Variants in KIF2A observed in about 807,000 individuals in gnomAD.
KIF2A encodes kinesin-like protein KIF2A.
KIF2A carries 22 observed loss-of-function variants against 100.2 expected under a neutral mutation model. The observed-to-expected ratio is 0.22, with a 90% CI of 0.16 to 0.31. The LOEUF is 0.31. KIF2A is among the 10% of genes least tolerant of loss of function. The pLI is 1.00. For missense variants in KIF2A, 495 were observed against 898.7 expected (o/e 0.55, Z 5.74); for synonymous variants, 268 against 285.9 (o/e 0.94, Z 0.63).
At chr5:62,385,150 A>G (rs1385739825) in intron 20 of KIF2A, among the ~76,000 whole-genome samples, 2 of 152,216 alleles carry the variant, frequency 1.3e-5, no homozygotes, top group Non-Finnish European at 2.9e-5. Flanking sequence ...CTCAAAAAAA[A>G]AAAGGTAGAC....
intron 4 of KIF2A, among the ~76,000 whole-genome samples, chr5:62,352,077 TGG>T (rs1341203876): frequency 6.7e-6 from 1 of 148,174 alleles, no homozygotes; most frequent in Non-Finnish European, 1.5e-5. Context: ...CACTTGAACC[TGG>T]GAGGCGGAGG....
rs145362673 is a variant in KIF2A at position 62,361,140 on chromosome 5, A to G, written c.873-102A>G. 9.7e-6 allele frequency: 5 copies of G among 516,556 alleles called. No individual in the cohort carries two copies. In the East Asian group the frequency reaches 1.6e-4, roughly 17 times the overall value. The allele number at this position is 516,556 out of a possible 1,614,324, so 32.0% of individuals were successfully genotyped here. A position where few individuals can be genotyped will look rare whatever the true frequency, so the allele number is the denominator to read the frequency against. Reference sequence around the variant, plus strand: ...ACAAAGATTTGTTTAGAATCTTGCTATTAAGTTTTATTTATTAATAAAATA... The same window carrying G: ...ACAAAGATTTGTTTAGAATCTTGCTGTTAAGTTTTATTTATTAATAAAATA... On this transcript the variant is annotated intron_variant, in intron 9 of 20. Transcript: ENST00000407818.
intron 1 of KIF2A, among the ~76,000 whole-genome samples, chr5:62,324,977 T>C (rs1746291027): frequency 6.6e-6 from 1 of 152,190 alleles, no homozygotes; most frequent in Non-Finnish European, 1.5e-5. Flanking sequence ...TTCCAGAATC[T>C]ATAAGAAACA....
At chr5:62,313,049 A>G (rs1427320206) in intron 1 of KIF2A, among the ~76,000 whole-genome samples, 5 of 152,066 alleles carry the variant, frequency 3.3e-5, no homozygotes, top group East Asian at 1.9e-4. Flanking sequence ...ATATACTTCT[A>G]TTAACAGCCT....
At position 62,385,566 on chromosome 5, in the gene KIF2A, T is replaced by G. The variant is rs745329054; in HGVS notation, c.2232T>G (p.Leu744=). Residue 744 remains leucine, a synonymous_variant, in exon 21 of 21, where the codon CTT becomes CTG. Coordinates refer to ENST00000407818, the MANE Select transcript of KIF2A (RefSeq NM_001098511.3). The stretch of plus-strand genomic sequence containing the variant: ...TCAACCCGAAGAGACCCCGTGCCCT[T>G]TAAACCGGCATTTGCTGCTAAAGGA... ...KQINPKRPRA[L] is the part of the protein sequence containing the mutation. The G allele has an allele frequency of 1.5e-5, 24 of 1,585,926 alleles. No individual in the cohort carries two copies. Among genetic ancestry groups the G allele is most frequent in the African/African-American group, 2.7e-5 (2 of 74,132 alleles).
At chr5:62,347,096 G>C in intron 1 of KIF2A, 34 bp from the exon 2 acceptor site, 1 of 1,191,932 alleles carries the variant, frequency 8.4e-7, no homozygotes, top group Non-Finnish European at 1.2e-6. Flanking sequence ...ATAATTTGTG[G>C]CATTTTTAAG....
Position 62,389,045 on chromosome 5 carries a change from G to T in KIF2A, c.*3476G>T. 6.2e-7 allele frequency: 1 copy of T among 1,603,922 alleles called. No homozygotes were observed. On this transcript the variant is annotated 3_prime_UTR_variant, in exon 21 of 21. Transcript: ENST00000407818. ...TGAATACCTTCTGCGTTGAATCCAT[G>T]TAGCAATCTGAAAAAAGAAATCAAA...
chr5:62,346,981 C>T (rs1425465402), intron 1 of KIF2A, 149 bp from the exon 2 acceptor site: 1 of 540,922 alleles, frequency 1.8e-6, no homozygotes, highest in Non-Finnish European at 3.3e-6. Context: ...AAAGTTCATT[C>T]CCTGTTCCTG....
At chr5:62,328,527 CGTT>C (rs1322221375) in intron 1 of KIF2A, among the ~76,000 whole-genome samples, 7 of 152,006 alleles carry the variant, frequency 4.6e-5, no homozygotes, top group African/African-American at 1.7e-4. Context: ...GTTTTGCTCT[CGTT>C]GCCCAGGCTG....
At chr5:62,377,630 A>G (rs1445336567) in intron 18 of KIF2A, 31 bp from the exon 19 acceptor site, 3 of 1,230,798 alleles carry the variant, frequency 2.4e-6, no homozygotes, top group Non-Finnish European at 3.4e-6. Context: ...TACACACTAT[A>G]TCATAATTTC....
At chr5:62,377,409 C>T (rs1044859840) in intron 18 of KIF2A, among the ~76,000 whole-genome samples, 10 of 152,062 alleles carry the variant, frequency 6.6e-5, no homozygotes, top group East Asian at 1.9e-4. Context: ...CAGCATAGTT[C>T]GGCAATAAAG....
chr5:62,366,569 C>A, intron 16 of KIF2A, 88 bp downstream of exon 16: 1 of 773,832 alleles, frequency 1.3e-6, no homozygotes, highest in Non-Finnish European at 2.1e-6. Flanking sequence ...CGGTGGCTCA[C>A]GCCTGTAATC....
intron 1 of KIF2A, among the ~76,000 whole-genome samples, chr5:62,326,825 C>T (rs1183900928): frequency 1.3e-5 from 2 of 152,152 alleles, no homozygotes; most frequent in East Asian, 3.9e-4. Flanking sequence ...GTGAAACTCC[C>T]TCTTTACAAA....
chr5:62,370,275 A>T (rs1357221247), intron 16 of KIF2A, among the ~76,000 whole-genome samples: 1 of 152,086 alleles, frequency 6.6e-6, no homozygotes, highest in Admixed American at 6.6e-5. Context: ...TCATCAGATG[A>T]CAATTAGAGA....
intron 20 of KIF2A, among the ~76,000 whole-genome samples, chr5:62,382,924 G>A (rs948625729): frequency 6.9e-6 from 1 of 144,748 alleles, no homozygotes; most frequent in East Asian, 2.0e-4. Context: ...ACCGAGCCTG[G>A]CTTTGCTTTT....
rs1035353448 is a variant in KIF2A, at chr5:62,346,246, T to C, written c.65-884T>C. Among the ~76,000 whole-genome samples the C allele has an allele frequency of 2.6e-5, 4 of 152,256 alleles. No individual in the cohort carries two copies. The East Asian group carries it at 7.7e-4, about 29-fold the overall frequency. On this transcript the variant is annotated intron_variant, in intron 1 of 20. Coordinates refer to ENST00000407818, the MANE Select transcript of KIF2A (RefSeq NM_001098511.3). ...ATATATAATATCTTCTCTCTACAGA[T>C]TGTAAGACTGGAGTAGTTAGGGAAA...
chr5:62,345,542 A>G (rs1477317853), intron 1 of KIF2A, among the ~76,000 whole-genome samples: 2 of 152,006 alleles, frequency 1.3e-5, no homozygotes, highest in African/African-American at 4.8e-5. Flanking sequence ...TCACACCTGT[A>G]ATCCCAGCAT....
At position 62,385,714 on chromosome 5, in the gene KIF2A, T is replaced by C. The variant is rs1238851486; in HGVS notation, c.*145T>C. 4.9e-6 allele frequency: 3 copies of C among 617,346 alleles called. No homozygotes were observed. The highest frequency in any genetic ancestry group is 3.7e-5 in the African/African-American group (2 of 54,338). 38.2% of individuals were successfully genotyped at this position (617,346 alleles called of 1,614,324 possible). ...TCACCTGAATTACATTTCAATTTTG[T>C]GAAACACTCTTTTGTCTACAAAATG... On this transcript the variant is annotated 3_prime_UTR_variant, in exon 21 of 21. Transcript: ENST00000407818.
intron 20 of KIF2A, among the ~76,000 whole-genome samples, chr5:62,385,025 C>A (rs181475021): frequency 1.0e-3 from 159 of 152,022 alleles, no homozygotes; most frequent in African/African-American, 3.5e-3. Flanking sequence ...GCCTGTAATC[C>A]CAGCTACTCG....
Sources: allele counts gnomAD v4.1 joint callset (sites outside exome capture counted in the v4.1 genomes callset), GRCh38; gene constraint gnomAD v4.1.1; transcripts MANE v1.5; gene names NCBI Gene and HGNC (gene_info 2026-07-23, HGNC 2026-07-21).